ARHGEF9: variants seen among roughly 807,000 people sequenced by gnomAD.
ARHGEF9 encodes Cdc42 guanine nucleotide exchange factor 9, also known as rho guanine nucleotide exchange factor 9.
Under a neutral mutation model 41.3 loss-of-function variants are expected in ARHGEF9, and 2 were observed. The ratio of observed to expected loss-of-function variants is 0.05; its 90% CI spans 0.02 to 0.15. The LOEUF (loss-of-function observed/expected upper bound fraction) is 0.15, where lower values mean the gene tolerates loss of function less well. ARHGEF9 is among the 10% of genes least tolerant of loss of function. The pLI, the probability that ARHGEF9 is intolerant of heterozygous loss-of-function variation, is 1.00. For synonymous variants in ARHGEF9, 160 were observed against 154.4 expected (o/e 1.04, Z -0.27); for missense variants, 225 against 424.7 (o/e 0.53, Z 4.13).
chrX:63,653,023 C>T (rs2048650686), intron 8 of ARHGEF9, among the ~76,000 whole-genome samples: 1 of 111,587 alleles, frequency 9.0e-6, no homozygotes. Flanking sequence ...CCTGTTAAGC[C>T]TGCAGAACTG....
At chrX:63,698,557 G>C (rs1298445320) in intron 3 of ARHGEF9, among the ~76,000 whole-genome samples, 2 of 111,387 alleles carry the variant, frequency 1.8e-5, no homozygotes, top group Non-Finnish European at 3.8e-5. Context: ...GAACCCCTAA[G>C]GAAGAGTTTT....
chrX:63,689,652 A>G (rs190035715), intron 4 of ARHGEF9, among the ~76,000 whole-genome samples: 1 of 112,479 alleles, frequency 8.9e-6, no homozygotes, highest in East Asian at 2.8e-4. Context: ...AATGTACGTA[A>G]CTGAAAATAA....
intron 9 of ARHGEF9, chrX:63,638,782 G>A (rs1188819065): frequency 1.0e-5 from 3 of 291,910 alleles, no homozygotes; most frequent in African/African-American, 2.7e-5. Flanking sequence ...TGAGAGTGAT[G>A]AACCTGCACT....
At chrX:63,732,880 C>T (rs782175861) in intron 1 of ARHGEF9, among the ~76,000 whole-genome samples, 5 of 111,717 alleles carry the variant, frequency 4.5e-5, no homozygotes, top group South Asian at 3.8e-4. Flanking sequence ...TTACACGTAG[C>T]GACACTGGGG....
At chrX:63,714,875 C>T (rs1270150705) in intron 2 of ARHGEF9, among the ~76,000 whole-genome samples, 23 of 111,630 alleles carry the variant, frequency 2.1e-4, no homozygotes, top group Non-Finnish European at 7.5e-5. Context: ...AATTGCTTTG[C>T]AATTGTCCCA....
Position 63,638,019 on chromosome X carries a change from C to T in ARHGEF9, c.*9G>A, listed in dbSNP as rs1556300680. 3 of 1,202,302 alleles carry T rather than the reference C, an allele frequency of 2.5e-6. No homozygotes were observed. Among genetic ancestry groups the T allele is most frequent in the Admixed American group, 2.2e-5 (1 of 44,921 alleles). On this transcript the variant is annotated 3_prime_UTR_variant, in exon 10 of 10. Coordinates refer to ENST00000671741, the MANE Select transcript of ARHGEF9 (RefSeq NM_001353921.2). ...CTTTATTTTAAAATTATCTGCCTCC[C>T]TGTAGGTATCATTTTTTGAAGGGGG... is the stretch of plus-strand genomic sequence containing the variant.
intron 1 of ARHGEF9, chrX:63,731,865 TCA>T (rs1208378666): frequency 8.1e-5 from 9 of 111,374 alleles, no homozygotes; most frequent in African/African-American, 2.9e-4. Flanking sequence ...CCAGCCCGTC[TCA>T]GTTTTTTTAC....
chrX:63,702,301 G>T (rs1327370094), intron 3 of ARHGEF9, among the ~76,000 whole-genome samples: 5 of 112,351 alleles, frequency 4.5e-5, no homozygotes, highest in African/African-American at 1.6e-4. Flanking sequence ...CAGTTTCCTT[G>T]ATTGTACTTT....
intron 1 of ARHGEF9, among the ~76,000 whole-genome samples, chrX:63,751,813 C>T (rs1420446090): frequency 3.6e-5 from 4 of 110,528 alleles, no homozygotes; most frequent in African/African-American, 1.3e-4. Context: ...CACCACACCC[C>T]GCATCCACAC....
intron 2 of ARHGEF9, among the ~76,000 whole-genome samples, chrX:63,721,807 G>C (rs1345972923): frequency 9.1e-6 from 1 of 110,390 alleles, no homozygotes; most frequent in Admixed American, 9.8e-5. Context: ...ACCAACTACT[G>C]GGAAGGTATA....
At chrX:63,711,709 C>T (rs1164743590) in intron 2 of ARHGEF9, among the ~76,000 whole-genome samples, 1 of 111,229 alleles carries the variant, frequency 9.0e-6, no homozygotes, top group African/African-American at 3.3e-5. Context: ...TTAAAGAAAA[C>T]ATAGAGGAAA....
chrX:63,707,053 C>T (rs1470768769), intron 2 of ARHGEF9, among the ~76,000 whole-genome samples: 9 of 111,689 alleles, frequency 8.1e-5, no homozygotes, highest in Admixed American at 7.6e-4. Flanking sequence ...TGTATTCAGC[C>T]CTGCTAGATA....
At chrX:63,763,317 A>G (rs1467712291) in intron 1 of ARHGEF9, among the ~76,000 whole-genome samples, 6 of 111,765 alleles carry the variant, frequency 5.4e-5, no homozygotes, top group African/African-American at 1.9e-4. Context: ...TGATGGGTAG[A>G]TAGAGAGACA....
At chrX:63,714,388 A>C (rs2053158989) in intron 2 of ARHGEF9, among the ~76,000 whole-genome samples, 1 of 112,540 alleles carries the variant, frequency 8.9e-6, no homozygotes, top group African/African-American at 3.2e-5. Flanking sequence ...GCAGGCAAGC[A>C]AACCTTTTTA....
At position 63,664,979 on chromosome X, in the gene ARHGEF9, C is replaced by G. The variant is rs191888062; in HGVS notation, c.1077+907G>C. Among the ~76,000 whole-genome samples the G allele has an allele frequency of 9.6e-4, 108 of 112,343 alleles. 1 individual carries two copies. Among genetic ancestry groups the G allele is most frequent in the Admixed American group, 2.4e-3 (26 of 10,651 alleles). ...CACTCCTCTTCAGAGGCATTCACTA[C>G]TGGGTGAAGGAGAGGACAAAGGGAC... is the stretch of plus-strand genomic sequence containing the variant. On this transcript the variant is annotated intron_variant, in intron 7 of 9. Transcript: ENST00000671741.
intron 1 of ARHGEF9, among the ~76,000 whole-genome samples, chrX:63,769,671 C>T (rs1372030692): frequency 2.7e-5 from 3 of 111,531 alleles, no homozygotes; most frequent in Non-Finnish European, 5.7e-5. Context: ...GGACTTGGTG[C>T]CCTGTGTCCC....
intron 1 of ARHGEF9, among the ~76,000 whole-genome samples, chrX:63,775,000 A>T (rs1355036622): frequency 8.9e-6 from 1 of 112,531 alleles, no homozygotes; most frequent in Non-Finnish European, 1.9e-5. Flanking sequence ...CAACCTCATT[A>T]AAAAATGAGC....
At position 63,666,115 on chromosome X, in the gene ARHGEF9, A is replaced by G. The variant is rs781884503; in HGVS notation, c.946-98T>C. On this transcript the variant is annotated intron_variant, in intron 6 of 9. Coordinates refer to ENST00000671741, the MANE Select transcript of ARHGEF9 (RefSeq NM_001353921.2). The stretch of plus-strand genomic sequence containing the variant: ...AGGCTGGGCATAGACTGGGATAGGA[A>G]GAGGCCAGAAAGGGCCTGGTAGAGA... 3.5e-5 allele frequency: 39 copies of G among 1,104,159 alleles called. No homozygotes were observed. In the Admixed American group the frequency reaches 5.6e-4, roughly 16 times the overall value. 91.0% of individuals were successfully genotyped at this position (1,104,159 alleles called of 1,213,427 possible).
chrX:63,651,393 C>A (rs2048530969), intron 8 of ARHGEF9, among the ~76,000 whole-genome samples: 1 of 110,589 alleles, frequency 9.0e-6, no homozygotes, highest in Non-Finnish European at 1.9e-5. Context: ...AAGAGTGGAA[C>A]AGAATAGAAA....
Sources: gnomAD v4.1 joint callset for allele counts (sites outside exome capture counted in the v4.1 genomes callset) on GRCh38, gnomAD v4.1.1 for gene constraint, MANE v1.5 for transcripts, NCBI Gene and HGNC (gene_info 2026-07-23, HGNC 2026-07-21) for gene names.